Variants in DIAPH2 observed in about 807,000 individuals in gnomAD.
DIAPH2 encodes the protein protein diaphanous homolog 2.
Under a neutral mutation model 92.7 loss-of-function variants are expected in DIAPH2, and 35 were observed. The observed-to-expected ratio is 0.38, with a 90% confidence interval of 0.29 to 0.50. The LOEUF (loss-of-function observed/expected upper bound fraction) is 0.50. DIAPH2 is among the 20% of genes least tolerant of loss of function. The probability of loss-of-function intolerance (pLI) is 0.94; values close to 1 mark genes in which losing one functional copy is unlikely to be tolerated. For synonymous variants in DIAPH2, 301 were observed against 280.4 expected (o/e 1.07, Z -0.73); for missense variants, 701 against 819.5 (o/e 0.86, Z 1.77).
intron 21 of DIAPH2, among the ~76,000 whole-genome samples, chrX:97,130,351 CA>C (rs2067129946): frequency 2.7e-5 from 3 of 111,599 alleles, no homozygotes; most frequent in Non-Finnish European, 5.6e-5. Flanking sequence ...GGAAACAACC[CA>C]AATGTCCATT....
chrX:97,474,751 G>T (rs2070590737), intron 26 of DIAPH2, among the ~76,000 whole-genome samples: 1 of 97,577 alleles, frequency 1.0e-5, no homozygotes, highest in Non-Finnish European at 2.1e-5. Context: ...GAGTGACAGA[G>T]CATGACTCCA....
chrX:97,553,650 T>G (rs1450564773), intron 26 of DIAPH2, among the ~76,000 whole-genome samples: 1 of 90,749 alleles, frequency 1.1e-5, no homozygotes, highest in Admixed American at 1.4e-4. Context: ...TTAAAAAACT[T>G]AATGCAGTGA....
intron 26 of DIAPH2, among the ~76,000 whole-genome samples, chrX:97,430,647 C>T (rs976416836): frequency 4.5e-5 from 5 of 112,265 alleles, no homozygotes; most frequent in Admixed American, 1.9e-4. Context: ...CTTAAATAGC[C>T]TGCAATTCCA....
intron 17 of DIAPH2, among the ~76,000 whole-genome samples, chrX:96,980,805 T>G (rs2065991480): frequency 1.8e-5 from 2 of 109,821 alleles, no homozygotes; most frequent in Middle Eastern, 4.7e-3. Flanking sequence ...TTGCTAATGT[T>G]AATTTGTACA....
chrX:96,924,618 A>G (rs1403446616), intron 9 of DIAPH2, among the ~76,000 whole-genome samples: 1 of 111,484 alleles, frequency 9.0e-6, no homozygotes, highest in Non-Finnish European at 1.9e-5. Flanking sequence ...ATTGCTATAA[A>G]GAGCTACCTA....
At chrX:97,408,058 G>A (rs922807476) in intron 25 of DIAPH2, among the ~76,000 whole-genome samples, 6 of 111,591 alleles carry the variant, frequency 5.4e-5, no homozygotes, top group African/African-American at 1.6e-4. Context: ...AGGTATTGGT[G>A]CAGAATTTTG....
Sources: allele counts gnomAD v4.1 joint callset (sites outside exome capture counted in the v4.1 genomes callset), GRCh38; gene constraint gnomAD v4.1.1; transcripts MANE v1.5; gene names NCBI Gene and HGNC (gene_info 2026-07-23, HGNC 2026-07-21).